SNED1: variants seen among roughly 807,000 people sequenced by gnomAD.
SNED1 encodes sushi, nidogen and EGF-like domain-containing protein 1.
In SNED1, 81 loss-of-function variants were observed where a neutral mutation model predicts 166.7. The ratio of observed to expected loss-of-function variants is 0.49; its 90% CI spans 0.41 to 0.58. The LOEUF is 0.58. SNED1 is among the 20% of genes least tolerant of loss of function. SNED1 has a pLI of 0.00. For missense variants in SNED1, 1,604 were observed against 2,000.2 expected, an observed-to-expected ratio of 0.80 and a Z score of 3.78; for synonymous variants, 762 against 822.0, an observed-to-expected ratio of 0.93 and a Z score of 1.25.
intron 1 of SNED1, among the ~76,000 whole-genome samples, chr2:241,021,563 C>A (rs1201218762): frequency 6.6e-6 from 1 of 152,154 alleles, no homozygotes; most frequent in African/African-American, 2.4e-5. Context: ...TGGCTTCTTT[C>A]ATTTAACATA....
Position 241,088,650 on chromosome 2 carries a change from TA to T in SNED1, c.*1+249del, listed in dbSNP as rs569151006. On this transcript the variant is annotated intron_variant, in intron 31 of 31. Transcript: ENST00000310397. ...AGGTGGAAATGAGGCTCTCTGTGGA[TA>T]GGGCAAATCCCACTCTCTCTCAAGG... 5.8e-5 allele frequency: 31 copies of T among 533,398 alleles called. No individual in the cohort carries two copies. The South Asian group carries it at 7.6e-4, about 13-fold the overall frequency. 33.0% of individuals were successfully genotyped at this position (533,398 alleles called of 1,614,324 possible).
chr2:241,022,062 T>C (rs1303439463), intron 1 of SNED1, among the ~76,000 whole-genome samples: 2 of 152,260 alleles, frequency 1.3e-5, no homozygotes, highest in Non-Finnish European at 1.5e-5. Context: ...AAATCTGCTC[T>C]AGAGTAATGC....
At position 241,064,265 on chromosome 2, in the gene SNED1, T is replaced by C. The variant is rs79828834; in HGVS notation, c.2599+140T>C. 1.6e-6 allele frequency: 1 copy of C among 614,892 alleles called. No homozygotes were observed. The highest frequency in any genetic ancestry group is 2.7e-6 in the Non-Finnish European group (1 of 364,698). The allele number at this position is 614,892 out of a possible 1,614,324, so 38.1% of individuals were successfully genotyped here. On this transcript the variant is annotated intron_variant, in intron 19 of 31. Transcript: ENST00000310397. This position sits in a 1 kb window ranked among gnomAD's most constrained non-coding sequence, Gnocchi z 7.0. ...CGCCCTCTGCCCGCCGCCTTGGAAGTCCCCTTCTCAGGCCAGTGGCCCTCC... is the reference window on the plus strand; with the variant it reads ...CGCCCTCTGCCCGCCGCCTTGGAAGCCCCCTTCTCAGGCCAGTGGCCCTCC...
chr2:241,089,235 T>G, intron 31 of SNED1: 1 of 1,440,780 alleles, frequency 6.9e-7, no homozygotes, highest in Admixed American at 2.6e-5. Context: ...AATCTCTGGT[T>G]GGCCTAGGAC....
chr2:241,058,497 G>T lies in SNED1; in HGVS notation c.2258-4294G>T, dbSNP rs114638418. Among the ~76,000 whole-genome samples the T allele has an allele frequency of 2.6e-3, 393 of 152,232 alleles. 4 individuals are homozygous for T. The highest frequency in any genetic ancestry group is 9.1e-3 in the African/African-American group (376 of 41,534). On this transcript the variant is annotated intron_variant, in intron 16 of 31. Transcript: ENST00000310397. ...CAAAAGAAAGGACAAGCCAAAATTA[G>T]TTCTTTGAAAAGCCTAATGTAACAT... is the stretch of plus-strand genomic sequence containing the variant.
Position 241,065,349 on chromosome 2 carries a change from G to A in SNED1, c.2764G>A (p.Val922Ile). The A allele has an allele frequency of 1.2e-6, 2 of 1,613,034 alleles. No individual in the cohort carries two copies. Among genetic ancestry groups the A allele is most frequent in the African/African-American group, 1.3e-5 (1 of 75,042 alleles). Residue 922 changes from valine (V) to isoleucine (I), a missense_variant, in exon 21 of 32, where the codon GTC (valine) becomes ATC (isoleucine). Transcript: ENST00000310397. ...GATGGAGAGAGTGGAGGAGAGTGGG[G>A]TCTCTATCTCCTGGAACCCGCCCAA... ...LKMERVEESG[V>I]SISWNPPNGP... is the part of the protein sequence containing the mutation.
intron 1 of SNED1, among the ~76,000 whole-genome samples, chr2:241,006,928 G>A (rs1249349948): frequency 6.6e-6 from 1 of 152,198 alleles, no homozygotes; most frequent in Admixed American, 6.5e-5. Flanking sequence ...TGGATCAAAA[G>A]GACACAGAGG....
chr2:241,013,136 G>T lies in SNED1; in HGVS notation c.213+14086G>T, dbSNP rs1226554497. Among the ~76,000 whole-genome samples the T allele has an allele frequency of 6.6e-6, 1 of 151,900 alleles. No individual in the cohort carries two copies. Among genetic ancestry groups the T allele is most frequent in the Admixed American group, 6.6e-5 (1 of 15,242 alleles). ...GGCGTGAGCCACCGCGCCCGGCCAC[G>T]AGCAGTACTGTTAACTACGGTTGCC... On this transcript the variant is annotated intron_variant, in intron 1 of 31. Transcript: ENST00000310397. The surrounding 1 kb of genome is among the most constrained non-coding windows in gnomAD (Gnocchi z 4.6).
intron 1 of SNED1, among the ~76,000 whole-genome samples, chr2:241,002,058 G>T (rs970101631): frequency 3.0e-4 from 45 of 152,174 alleles, no homozygotes; most frequent in African/African-American, 1.1e-3. Context: ...CCAGAACACG[G>T]AGCCCAGGGC....
At position 241,037,304 on chromosome 2, in the gene SNED1, T is replaced by C; in HGVS notation, c.996T>C (p.Ser332=). The stretch of plus-strand genomic sequence containing the variant: ...GGACCTGTACTCACGGCATCAACAG[T>C]TTCCGCTGCCAGTGCCCGGCTGGCT... ...NGGTCTHGIN[S]FRCQCPAGFG... Residue 332 remains serine, a synonymous_variant, in exon 6 of 32, where the codon AGT becomes AGC. Transcript: ENST00000310397. The C allele has an allele frequency of 6.2e-7, 1 of 1,611,440 alleles. No individual in the cohort carries two copies. The highest frequency in any genetic ancestry group is 1.1e-5 in the South Asian group (1 of 90,394).
intron 27 of SNED1, chr2:241,074,062 C>A (rs1322526885): frequency 6.6e-6 from 1 of 152,380 alleles, no homozygotes; most frequent in Non-Finnish European, 1.5e-5. Flanking sequence ...TCTCCTAGCA[C>A]CCGGTGACCT....
intron 17 of SNED1, 70 bp from the exon 18 acceptor site, chr2:241,063,517 G>A (rs963960237): frequency 3.0e-6 from 3 of 992,038 alleles, no homozygotes; most frequent in African/African-American, 3.2e-5. Context: ...GGAAATGCAC[G>A]GAATCCTGGG....
At chr2:241,071,011 C>T (rs2062685624) in intron 24 of SNED1, among the ~76,000 whole-genome samples, 1 of 152,174 alleles carries the variant, frequency 6.6e-6, no homozygotes, top group East Asian at 1.9e-4. Context: ...CAGCTTGGGG[C>T]CAAGCCCACC....
rs1170367735 is a variant in SNED1, at chr2:241,051,849, A to G, written c.1841A>G (p.His614Arg). 1.9e-6 allele frequency: 3 copies of G among 1,554,838 alleles called. No homozygotes were observed. The highest frequency in any genetic ancestry group is 1.7e-4 in the Middle Eastern group (1 of 5,968). ...CSCPYRFTGRHCEIGKPDSCA... is the reference protein window; with the variant it reads ...CSCPYRFTGRRCEIGKPDSCA... ...TGCCCCTACCGCTTCACTGGGAGGC[A>G]CTGTGAGATCGGTGCGGCCCCCAGG... The change falls in exon 13 of 32, where the codon CAC becomes CGC. Residue 614 changes from histidine to arginine, a missense_variant. Around this residue, in one of 2 missense-constraint regions of SNED1, gnomAD observed 1,237 missense variants for 1,620.8 expected, o/e 0.76. Transcript: ENST00000310397. The surrounding 1 kb of genome is among the most constrained non-coding windows in gnomAD (Gnocchi z 4.7).
Position 241,071,710 on chromosome 2 carries a change from CA to C in SNED1, c.3725del (p.Gln1242ArgfsTer15). The C allele has an allele frequency of 2.0e-6, 3 of 1,470,460 alleles. No homozygotes were observed. The highest frequency in any genetic ancestry group is 2.8e-6 in the Non-Finnish European group (3 of 1,090,318). The allele number at this position is 1,470,460 out of a possible 1,614,324, so 91.1% of individuals were successfully genotyped here. The stretch of plus-strand genomic sequence containing the variant: ...CCACAGCGCCCCCGAGACCCCCACC[CA>C]GCCCCCCAGGTACATGCCCCACCCA... The part of the protein sequence containing the change: ...NDHSAPETPT[Q>X]PPRFSELVDG... On this transcript the variant is annotated frameshift_variant, in exon 25 of 32. Transcript: ENST00000310397. LOFTEE classifies it high-confidence loss of function.
intron 17 of SNED1, among the ~76,000 whole-genome samples, chr2:241,063,156 C>T (rs1296478567): frequency 6.6e-6 from 1 of 152,216 alleles, no homozygotes; most frequent in African/African-American, 2.4e-5. Context: ...AGGTGGGCGT[C>T]GGAGAGGGCA....
chr2:241,049,636 C>G (rs560447991), intron 11 of SNED1, among the ~76,000 whole-genome samples, 181 bp from the exon 12 acceptor site: 1 of 152,294 alleles, frequency 6.6e-6, no homozygotes, highest in East Asian at 1.9e-4. Flanking sequence ...AAGAGAAATT[C>G]CAGGGAGGGG....
intron 27 of SNED1, among the ~76,000 whole-genome samples, chr2:241,076,691 C>A (rs1424591211): frequency 6.6e-6 from 1 of 151,884 alleles, no homozygotes; most frequent in Non-Finnish European, 1.5e-5. Context: ...CATGGTGAAA[C>A]CTGTTGGTGT....
At chr2:241,089,109 C>T (rs982985889) in intron 31 of SNED1, 1 of 520,546 alleles carries the variant, frequency 1.9e-6, no homozygotes, top group Non-Finnish European at 3.3e-6. Context: ...ACAACACTGG[C>T]ATTCTTCACA....
Sources: allele counts gnomAD v4.1 joint callset (sites outside exome capture counted in the v4.1 genomes callset), GRCh38; gene constraint gnomAD v4.1.1; regional missense constraint gnomAD v4.1.1; non-coding constraint Gnocchi (gnomAD v3.1); transcripts MANE v1.5; gene names NCBI Gene and HGNC (gene_info 2026-07-23, HGNC 2026-07-21).